The following PLS1 variants were observed in gnomAD, a reference collection of about 807,000 sequenced individuals.
The protein encoded by PLS1 is plastin 1.
PLS1 carries 32 observed loss-of-function variants against 73.7 expected under a neutral mutation model. That is an observed-to-expected ratio of 0.43 (90% CI 0.33 to 0.58). PLS1 has a LOEUF of 0.58. PLS1 is among the 20% of genes least tolerant of loss of function. The probability of loss-of-function intolerance (pLI) is 0.04; values close to 1 mark genes in which losing one functional copy is unlikely to be tolerated. For missense variants in PLS1, 633 were observed against 740.5 expected (o/e 0.85, Z 1.68); for synonymous variants, 217 against 261.3 (o/e 0.83, Z 1.63).
chr3:142,700,504 T>G (rs2038308066), intron 12 of PLS1, among the ~76,000 whole-genome samples: 1 of 152,100 alleles, frequency 6.6e-6, no homozygotes, highest in Non-Finnish European at 1.5e-5. Flanking sequence ...TTTGTATTTT[T>G]AGTACAGACG....
intron 1 of PLS1, among the ~76,000 whole-genome samples, chr3:142,621,809 A>G (rs2036320352): frequency 6.7e-6 from 1 of 150,214 alleles, no homozygotes; most frequent in Non-Finnish European, 1.5e-5. Context: ...TGTGAAGTGA[A>G]GTCCTGGGGG....
chr3:142,705,819 G>T (rs2038448653), intron 14 of PLS1, among the ~76,000 whole-genome samples: 2 of 152,144 alleles, frequency 1.3e-5, no homozygotes, highest in Non-Finnish European at 2.9e-5. Flanking sequence ...GCTGGATATT[G>T]GCAGAGACGT....
chr3:142,668,774 C>T lies in PLS1; in HGVS notation c.71-616C>T, dbSNP rs566121279. Among the ~76,000 whole-genome samples the T allele has an allele frequency of 2.0e-5, 3 of 151,928 alleles. No individual in the cohort carries two copies. The East Asian group carries it at 5.8e-4, about 29-fold the overall frequency. ...CCGCCACTATGCCCAGCTAATTTTT[C>T]CATTTTTAGTAGAGATGGGGTTTCA... On this transcript the variant is annotated intron_variant, in intron 2 of 15. Transcript: ENST00000457734.
At chr3:142,659,565 T>C (rs2037318795) in intron 1 of PLS1, among the ~76,000 whole-genome samples, 1 of 152,154 alleles carries the variant, frequency 6.6e-6, no homozygotes, top group Non-Finnish European at 1.5e-5. Flanking sequence ...GCTGATAGTC[T>C]AAAAAACTGA....
At chr3:142,606,471 T>G (rs2036020590) in intron 1 of PLS1, among the ~76,000 whole-genome samples, 1 of 152,228 alleles carries the variant, frequency 6.6e-6, no homozygotes, top group African/African-American at 2.4e-5. Flanking sequence ...ACAGTTTTAT[T>G]ACTCTTGGCT....
chr3:142,694,628 C>T (rs2107925285), intron 11 of PLS1, 81 bp downstream of exon 11: 1 of 752,998 alleles, frequency 1.3e-6, no homozygotes. Context: ...TTAAATGGAA[C>T]ATTTTCTCAA....
rs373153474 is a variant in PLS1, at chr3:142,694,423, G to C, written c.1178-46G>C. 105 of 1,207,204 alleles carry C rather than the reference G, an allele frequency of 8.7e-5. No homozygotes were observed. The African/African-American group carries it at 1.4e-3, about 16-fold the overall frequency. The allele number at this position is 1,207,204 out of a possible 1,614,324, so 74.8% of individuals were successfully genotyped here. ...AGAATGGTTTAACATATAGTTCCTG[G>C]TTCCTTTTGTCCTGAGTCATCAGTG... On this transcript the variant is annotated intron_variant, in intron 10 of 15. Coordinates refer to ENST00000457734, the MANE Select transcript of PLS1 (RefSeq NM_001145319.2).
At chr3:142,600,900 A>T (rs2035905757) in intron 1 of PLS1, among the ~76,000 whole-genome samples, 3 of 29,620 alleles carry the variant, frequency 1.0e-4, no homozygotes, top group African/African-American at 6.3e-4. Context: ...ATATATATAT[A>T]TATATATATA....
At chr3:142,615,048 A>G (rs1282006181) in intron 1 of PLS1, among the ~76,000 whole-genome samples, 1 of 152,148 alleles carries the variant, frequency 6.6e-6, no homozygotes, top group Non-Finnish European at 1.5e-5. Context: ...AACACGGAAC[A>G]GAAACAGAGC....
rs565658685 is a variant in PLS1, at chr3:142,695,578, T to C, written c.1256+1031T>C. 2.6e-5 allele frequency among the ~76,000 whole-genome samples: 4 copies of C among 152,244 alleles called. No homozygotes were observed. The East Asian group carries it at 7.7e-4, about 29-fold the overall frequency. ...GAGGGATTCACTTTTTATGGACTGA[T>C]TTGAAAGAATGTCTATAATATATAG... On this transcript the variant is annotated intron_variant, in intron 11 of 15. Transcript: ENST00000457734.
intron 1 of PLS1, among the ~76,000 whole-genome samples, chr3:142,635,458 C>T (rs1045421749): frequency 2.0e-5 from 3 of 149,916 alleles, no homozygotes; most frequent in Admixed American, 6.6e-5. Flanking sequence ...AAAAAATTAG[C>T]TGGGCATGGT....
intron 11 of PLS1, among the ~76,000 whole-genome samples, chr3:142,696,151 T>G (rs1234859086): frequency 6.6e-6 from 1 of 152,212 alleles, no homozygotes; most frequent in African/African-American, 2.4e-5. Flanking sequence ...ACCATGAGCA[T>G]GTACTTTTCT....
chr3:142,626,074 C>T (rs1442432428), intron 1 of PLS1, among the ~76,000 whole-genome samples: 1 of 152,268 alleles, frequency 6.6e-6, no homozygotes, highest in East Asian at 1.9e-4. Context: ...AGGCATGAGC[C>T]ACTAAAACTA....
chr3:142,710,716 G>T (rs1189995552), intron 14 of PLS1, among the ~76,000 whole-genome samples: 1 of 148,226 alleles, frequency 6.7e-6, no homozygotes, highest in Admixed American at 6.7e-5. Flanking sequence ...GCAAGCAGTG[G>T]TGGCCACTAT....
intron 1 of PLS1, among the ~76,000 whole-genome samples, chr3:142,638,076 C>T (rs73228791): frequency 0.038 from 5,767 of 152,218 alleles, 151 homozygotes; most frequent in Middle Eastern, 0.079. Flanking sequence ...TCTATCTGCT[C>T]GCTTAACCTG....
intron 1 of PLS1, among the ~76,000 whole-genome samples, chr3:142,639,902 CTATT>C (rs1382339955): frequency 1.3e-5 from 2 of 152,172 alleles, no homozygotes; most frequent in African/African-American, 2.4e-5. Flanking sequence ...CAGTCATAAA[CTATT>C]TACTTAATTG....
chr3:142,674,660 T>G (rs2037681323), intron 4 of PLS1, among the ~76,000 whole-genome samples: 1 of 152,156 alleles, frequency 6.6e-6, no homozygotes, highest in Non-Finnish European at 1.5e-5. Context: ...AGAAGCCATG[T>G]GTTGAGAAGT....
In PLS1 at chr3:142,711,821, T is replaced by G. The variant is rs764646619; in HGVS notation, c.1755-51T>G. 7.6e-6 allele frequency: 12 copies of G among 1,572,534 alleles called. 1 individual carries two copies. The South Asian group carries it at 1.4e-4, about 18-fold the overall frequency. On this transcript the variant is annotated intron_variant, in intron 15 of 15. Coordinates refer to ENST00000457734, the MANE Select transcript of PLS1 (RefSeq NM_001145319.2). ...ATTTCACTCTTTTGTTAAAATATGT[T>G]AAGTGAAAACACAGTGGATAACACC...
At chr3:142,599,733 G>T (rs1003723947) in intron 1 of PLS1, among the ~76,000 whole-genome samples, 2 of 151,298 alleles carry the variant, frequency 1.3e-5, no homozygotes, top group Admixed American at 1.3e-4. Context: ...TTTTGAGGTT[G>T]TTGGCCCCAC....
Sources: allele counts gnomAD v4.1 joint callset (sites outside exome capture counted in the v4.1 genomes callset), GRCh38; gene constraint gnomAD v4.1.1; transcripts MANE v1.5; gene names NCBI Gene and HGNC (gene_info 2026-07-23, HGNC 2026-07-21).